LOC128706666: variants seen among roughly 807,000 people sequenced by gnomAD.
At chr20:10,417,373 G>A in the LOC128706666 span, among the ~76,000 whole-genome samples, 5 of 152,204 alleles carry the variant, frequency 3.3e-5, no homozygotes, top group Non-Finnish European at 7.3e-5. Context: ...CACTTTGGGA[G>A]GCCAAGGCAG....
the LOC128706666 span, among the ~76,000 whole-genome samples, chr20:10,432,914 G>A: frequency 6.6e-6 from 1 of 151,742 alleles, no homozygotes; most frequent in Non-Finnish European, 1.5e-5. Context: ...TGCTATGTAA[G>A]TAGTTGTTAC....
chr20:10,417,937 G>A, the LOC128706666 span, among the ~76,000 whole-genome samples: 29 of 152,264 alleles, frequency 1.9e-4, no homozygotes, highest in African/African-American at 6.7e-4. Flanking sequence ...GCAGATTTAG[G>A]AGGGGAATTG....
the LOC128706666 span, among the ~76,000 whole-genome samples, chr20:10,416,703 A>G: frequency 1.3e-5 from 2 of 152,216 alleles, no homozygotes; most frequent in South Asian, 4.1e-4. Context: ...CCAGCTAATA[A>G]ATGGAGAAGG....
At chr20:10,423,348 G>A in the LOC128706666 span, among the ~76,000 whole-genome samples, 1 of 152,098 alleles carries the variant, frequency 6.6e-6, no homozygotes, top group Non-Finnish European at 1.5e-5. Context: ...TTGGACCTTG[G>A]GAGGCTGAGG....
the LOC128706666 span, among the ~76,000 whole-genome samples, chr20:10,428,422 G>T: frequency 6.4e-4 from 97 of 152,316 alleles, 1 homozygote; most frequent in African/African-American, 2.3e-3. Flanking sequence ...TCATTTTCAA[G>T]ATTTTAATTG....
the LOC128706666 span, among the ~76,000 whole-genome samples, chr20:10,425,857 T>C: frequency 2.0e-5 from 3 of 152,216 alleles, no homozygotes; most frequent in African/African-American, 7.2e-5. Flanking sequence ...CTTTCTTTCC[T>C]GAATCTTCTT....
chr20:10,420,222 G>T, the LOC128706666 span, among the ~76,000 whole-genome samples: 1 of 152,142 alleles, frequency 6.6e-6, no homozygotes, highest in South Asian at 2.1e-4. Flanking sequence ...TATAAATTTG[G>T]ACTTTTGTGA....
the LOC128706666 span, among the ~76,000 whole-genome samples, chr20:10,416,083 C>T: frequency 6.6e-6 from 1 of 152,182 alleles, no homozygotes; most frequent in Non-Finnish European, 1.5e-5. Context: ...CAAGGTGCTC[C>T]ATAATTCCAA....
At chr20:10,433,963 T>G in the LOC128706666 span, 1 of 152,188 alleles carries the variant, frequency 6.6e-6, no homozygotes, top group Non-Finnish European at 1.5e-5. Context: ...AGAGCCAGCC[T>G]CCTCCTTGTC....
chr20:10,433,923 T>C, the LOC128706666 span, among the ~76,000 whole-genome samples: 1 of 152,188 alleles, frequency 6.6e-6, no homozygotes, highest in Non-Finnish European at 1.5e-5. Context: ...TCGGCAGCTA[T>C]TTCAGAGGTC....
At chr20:10,428,407 C>A in the LOC128706666 span, among the ~76,000 whole-genome samples, 1 of 152,160 alleles carries the variant, frequency 6.6e-6, no homozygotes, top group Non-Finnish European at 1.5e-5. Context: ...CATTTCTACC[C>A]TTCATCATTT....
At chr20:10,421,572 A>T in the LOC128706666 span, among the ~76,000 whole-genome samples, 1 of 152,160 alleles carries the variant, frequency 6.6e-6, no homozygotes, top group East Asian at 1.9e-4. Context: ...ATGGATTCCA[A>T]TTGCAGTAAA....
chr20:10,431,408 C>T, the LOC128706666 span, among the ~76,000 whole-genome samples: 2 of 152,022 alleles, frequency 1.3e-5, no homozygotes, highest in South Asian at 2.1e-4. Context: ...AGACTACTAG[C>T]CTCAGGGGGG....
chr20:10,433,872 C>T, the LOC128706666 span, among the ~76,000 whole-genome samples: 5 of 152,180 alleles, frequency 3.3e-5, no homozygotes, highest in African/African-American at 1.2e-4. Flanking sequence ...GCGGGAAGAC[C>T]TCCTCGCCGC....
the LOC128706666 span, among the ~76,000 whole-genome samples, chr20:10,421,269 A>AAAGTGT: frequency 6.6e-6 from 1 of 151,920 alleles, no homozygotes; most frequent in Non-Finnish European, 1.5e-5. Context: ...GTTTCTACTA[A>AAAGTGT]AAGTATTAGT....
the LOC128706666 span, chr20:10,413,844 G>T: frequency 4.5e-6 from 2 of 447,670 alleles, no homozygotes; most frequent in Non-Finnish European, 3.9e-6. Flanking sequence ...AGATATCCCA[G>T]CTACAAGAAG....
the LOC128706666 span, among the ~76,000 whole-genome samples, chr20:10,425,779 A>G: frequency 7.9e-5 from 12 of 151,472 alleles, no homozygotes; most frequent in Non-Finnish European, 1.6e-4. Flanking sequence ...TCAAGTTTGG[A>G]GCAAAGCAAC....
At chr20:10,415,087 T>C in the LOC128706666 span, among the ~76,000 whole-genome samples, 1 of 152,170 alleles carries the variant, frequency 6.6e-6, no homozygotes, top group Non-Finnish European at 1.5e-5. Context: ...CTTAACAAGG[T>C]AGTGTCCTTG....
At chr20:10,428,850 TA>T in the LOC128706666 span, among the ~76,000 whole-genome samples, 2 of 151,866 alleles carry the variant, frequency 1.3e-5, no homozygotes, top group Non-Finnish European at 2.9e-5. Context: ...TCTCAATAAA[TA>T]AATAAATAAA....
Sources: allele counts gnomAD v4.1 joint callset (sites outside exome capture counted in the v4.1 genomes callset), GRCh38; gene constraint gnomAD v4.1.1; transcripts MANE v1.5.